Variants in SYNE2 observed in about 807,000 individuals in gnomAD.
SYNE2 encodes nesprin-2.
A neutral mutation model predicts 856.3 loss-of-function variants in SYNE2; 431 were observed. That is an observed-to-expected ratio of 0.50 (90% CI 0.47 to 0.55). SYNE2 has a LOEUF of 0.55. Ranked by LOEUF, SYNE2 falls within the 20% of genes least tolerant of loss-of-function variation. The pLI is 0.00. For synonymous variants in SYNE2, 2,923 were observed against 2,872.3 expected (o/e 1.02, Z -0.56); for missense variants, 8,129 against 8,023.2 (o/e 1.01, Z -0.50).
At chr14:64,043,090 CTTG>C (rs1475856926) in intron 45 of SYNE2, among the ~76,000 whole-genome samples, 1 of 152,182 alleles carries the variant, frequency 6.6e-6, no homozygotes, top group Non-Finnish European at 1.5e-5. Context: ...AAAGGTGACT[CTTG>C]TTATGTTTCA....
intron 99 of SYNE2, among the ~76,000 whole-genome samples, chr14:64,194,676 G>T (rs1184690880): frequency 6.6e-6 from 1 of 152,172 alleles, no homozygotes; most frequent in South Asian, 2.1e-4. Context: ...ATTACAGAAG[G>T]TGTCCTTCAG....
At chr14:64,146,932 C>T (rs538127515) in intron 84 of SYNE2, among the ~76,000 whole-genome samples, 3 of 152,346 alleles carry the variant, frequency 2.0e-5, no homozygotes, top group Middle Eastern at 3.4e-3. Flanking sequence ...GAGGAGGTCA[C>T]GGGATAGCAC....
At chr14:63,773,705 G>A (rs1197923457) in intron 1 of SYNE2, among the ~76,000 whole-genome samples, 1 of 152,024 alleles carries the variant, frequency 6.6e-6, no homozygotes, top group African/African-American at 2.4e-5. Context: ...GGGACTACAG[G>A]CATGCACCAA....
At chr14:63,911,431 G>T (rs550207612) in intron 2 of SYNE2, among the ~76,000 whole-genome samples, 1 of 152,214 alleles carries the variant, frequency 6.6e-6, no homozygotes, top group African/African-American at 2.4e-5. Flanking sequence ...CACAGCAGGG[G>T]ACATTTTGAC....
chr14:64,158,196 C>G (rs1264480820), intron 85 of SYNE2, among the ~76,000 whole-genome samples: 2 of 152,142 alleles, frequency 1.3e-5, no homozygotes, highest in African/African-American at 4.8e-5. Context: ...GTGCTGTTGT[C>G]AGAGCATTTT....
chr14:63,782,624 T>A (rs1425204251), intron 1 of SYNE2, among the ~76,000 whole-genome samples: 1 of 151,902 alleles, frequency 6.6e-6, no homozygotes, highest in African/African-American at 2.4e-5. Context: ...AATAAGACTC[T>A]GTGAGCCCGT....
chr14:64,198,447 C>T (rs1336371261), intron 99 of SYNE2, among the ~76,000 whole-genome samples: 2 of 152,164 alleles, frequency 1.3e-5, no homozygotes, highest in Non-Finnish European at 1.5e-5. Context: ...CAGAACAGAA[C>T]GATACACGCT....
chr14:64,061,754 T>G lies in SYNE2; in HGVS notation c.10068-997T>G, dbSNP rs150557350. On this transcript the variant is annotated intron_variant, in intron 49 of 115. Transcript: ENST00000555002. ...ATTCTATATTTTAGAGAGTGGTCCT[T>G]TATAGTTATATGTGTTACAAATATT... 1.1e-3 allele frequency among the ~76,000 whole-genome samples: 161 copies of G among 152,330 alleles called. 2 individuals carry two copies. The East Asian group carries it at 0.016, about 15-fold the overall frequency.
At chr14:64,148,584 G>A (rs2098209867) in intron 84 of SYNE2, among the ~76,000 whole-genome samples, 1 of 152,008 alleles carries the variant, frequency 6.6e-6, no homozygotes, top group African/African-American at 2.4e-5. Flanking sequence ...CTCAATCAAA[G>A]CACCCTGACC....
rs550444090 is a variant in SYNE2 at position 63,837,452 on chromosome 14, T to C, written c.-304-15049T>C. Among the ~76,000 whole-genome samples the C allele has an allele frequency of 4.6e-4, 70 of 152,312 alleles. 1 individual carries two copies. In the South Asian group the frequency reaches 0.014, roughly 31 times the overall value. On this transcript the variant is annotated intron_variant, in intron 1 of 23. Coordinates refer to the SYNE2 transcript ENST00000674003. Reference sequence around the variant, plus strand: ...AGAAAAAAATAGATAAATTGGACTTTATCAAAATGAAAAACTTTTGTACTT... The same window carrying C: ...AGAAAAAAATAGATAAATTGGACTTCATCAAAATGAAAAACTTTTGTACTT...
chr14:64,137,121 A>G (rs976956497), intron 78 of SYNE2, among the ~76,000 whole-genome samples: 2 of 152,224 alleles, frequency 1.3e-5, no homozygotes, highest in Admixed American at 1.3e-4. Flanking sequence ...TGAGCTCAGC[A>G]TGGCCTAATG....
chr14:63,792,392 A>G (rs778019781), intron 1 of SYNE2, among the ~76,000 whole-genome samples: 2 of 152,078 alleles, frequency 1.3e-5, no homozygotes, highest in Non-Finnish European at 2.9e-5. Flanking sequence ...CATCTCTACT[A>G]AAAATACAAA....
chr14:63,804,721 C>T (rs1888293523), intron 1 of SYNE2, among the ~76,000 whole-genome samples: 1 of 152,096 alleles, frequency 6.6e-6, no homozygotes, highest in Non-Finnish European at 1.5e-5. Context: ...CTCGAACTCT[C>T]GAACTCAGGT....
At chr14:64,172,385 G>A (rs181212157) in intron 94 of SYNE2, among the ~76,000 whole-genome samples, 59 of 152,262 alleles carry the variant, frequency 3.9e-4, no homozygotes, top group Non-Finnish European at 6.9e-4. Context: ...CTGATGCTTA[G>A]GCTGGAACAA....
At chr14:63,766,058 A>C (rs1044254595) in intron 1 of SYNE2, among the ~76,000 whole-genome samples, 4 of 150,902 alleles carry the variant, frequency 2.7e-5, no homozygotes, top group Non-Finnish European at 5.9e-5. Context: ...CTACTCTTGC[A>C]TGGATAAAAA....
chr14:63,978,745 C>T, intron 13 of SYNE2, 107 bp from the exon 14 acceptor site: 1 of 940,496 alleles, frequency 1.1e-6, no homozygotes. Context: ...GTTCCATGTG[C>T]TTAAAAGAAA....
chr14:64,037,149 T>A (rs967885419), intron 45 of SYNE2, among the ~76,000 whole-genome samples: 98 of 151,670 alleles, frequency 6.5e-4, no homozygotes, highest in Non-Finnish European at 1.1e-3. Flanking sequence ...TTTTTTTTTT[T>A]AATTGATCAT....
At chr14:63,988,506 C>CA (rs1189401574) in intron 19 of SYNE2, among the ~76,000 whole-genome samples, 13 of 151,970 alleles carry the variant, frequency 8.6e-5, no homozygotes, top group Non-Finnish European at 1.5e-4. Flanking sequence ...ATGCTAATTT[C>CA]AAAAAAATTG....
intron 57 of SYNE2, chr14:64,087,430 T>A: frequency 1.5e-6 from 1 of 663,498 alleles, no homozygotes; most frequent in Non-Finnish European, 2.9e-6. Context: ...ATTCCAAGTG[T>A]TTTAGAAGTG....
Sources: allele counts gnomAD v4.1 joint callset (sites outside exome capture counted in the v4.1 genomes callset), GRCh38; gene constraint gnomAD v4.1.1; transcripts MANE v1.5; gene names NCBI Gene and HGNC (gene_info 2026-07-23, HGNC 2026-07-21).